FST: variants seen among roughly 807,000 people sequenced by gnomAD.
The protein encoded by FST is follistatin.
Under a neutral mutation model 38.4 loss-of-function variants are expected in FST, and 6 were observed. That is an observed-to-expected ratio of 0.16 (90% CI 0.09 to 0.31). FST has a LOEUF of 0.31. Among genes scored for constraint, FST ranks in the 10% least tolerant of loss-of-function variants. The pLI is 1.00. For missense variants in FST, 301 were observed against 432.3 expected (o/e 0.70, Z 2.69); for synonymous variants, 157 against 169.8 (o/e 0.92, Z 0.59).
intron 1 of FST, among the ~76,000 whole-genome samples, chr5:53,481,669 A>G (rs1747223012): frequency 6.6e-6 from 1 of 152,142 alleles, no homozygotes; most frequent in Non-Finnish European, 1.5e-5. Flanking sequence ...GTTTATTTCA[A>G]TTAGTCTTTG....
Position 53,485,135 on chromosome 5 carries a change from A to G in FST, c.860A>G (p.Asp287Gly). Residue 287 changes from aspartate to glycine, a missense_variant, in exon 5 of 6, where the codon GAC (aspartate) becomes GGC (glycine). Transcript: ENST00000256759. ...SKSDEPVCAS[D>G]NATYASECAM... is the part of the protein sequence containing the mutation. ...TCGGATGAGCCTGTCTGTGCCAGTGACAATGCCACTTATGCCAGCGAGTGT... is the reference window on the plus strand; with the variant it reads ...TCGGATGAGCCTGTCTGTGCCAGTGGCAATGCCACTTATGCCAGCGAGTGT... 6.2e-7 allele frequency: 1 copy of G among 1,613,472 alleles called. No homozygotes were observed.
intron 4 of FST, among the ~76,000 whole-genome samples, chr5:53,484,553 T>C (rs1374183116): frequency 1.3e-5 from 2 of 152,218 alleles, no homozygotes; most frequent in African/African-American, 4.8e-5. Flanking sequence ...TTACTCAATT[T>C]TACACATTTT....
In FST at chr5:53,482,986, G is replaced by C. The variant is rs1305760890; in HGVS notation, c.192G>C (p.Ser64=). ...ECCSTGRLST[S]WTEEDVNDNT... is the part of the protein sequence containing the mutation. ...GCAGCACCGGCCGGCTGAGCACCTC[G>C]TGGACCGAGGAGGACGTGAATGACA... The change falls in exon 2 of 6, where the codon TCG becomes TCC. Residue 64 remains serine (S), a synonymous_variant. Coordinates refer to ENST00000256759, the MANE Select transcript of FST (RefSeq NM_013409.3). 11 of 1,613,862 alleles carry C rather than the reference G, an allele frequency of 6.8e-6. No homozygotes were observed. Among genetic ancestry groups the C allele is most frequent in the South Asian group, 3.3e-5 (3 of 91,082 alleles).
At position 53,483,041 on chromosome 5, in the gene FST, G is replaced by A; in HGVS notation, c.247G>A (p.Gly83Arg). 2 of 1,613,674 alleles carry A rather than the reference G, an allele frequency of 1.2e-6. No homozygotes were observed. Among genetic ancestry groups the A allele is most frequent in the Non-Finnish European group, 1.7e-6 (2 of 1,179,618 alleles). ...ACTCTTCAAGTGGATGATTTTCAAC[G>A]GGGGCGCCCCCAACTGCATCCCCTG... is the stretch of plus-strand genomic sequence containing the variant. ...NTLFKWMIFN[G>R]GAPNCIPCKE... is the part of the protein sequence containing the mutation. Residue 83 changes from glycine to arginine, a missense_variant, in exon 2 of 6, where the codon GGG (glycine) becomes AGG (arginine). Transcript: ENST00000256759. The surrounding 1 kb of genome is among the most constrained non-coding windows in gnomAD (Gnocchi z 4.1).
chr5:53,482,784 TCCC>T, intron 1 of FST, 93 bp from the exon 2 acceptor site: 1 of 500,776 alleles, frequency 2.0e-6, no homozygotes, highest in Non-Finnish European at 3.7e-6. Flanking sequence ...CCCCTCCCCA[TCCC>T]CGCCGGGTCT....
intron 1 of FST, among the ~76,000 whole-genome samples, chr5:53,481,975 C>G (rs1043484228): frequency 3.9e-5 from 6 of 152,250 alleles, no homozygotes; most frequent in Admixed American, 6.5e-5. Context: ...CTGCATGGCA[C>G]TGCGCTGGGT....
chr5:53,484,887 G>A (rs1198161969), intron 4 of FST, 110 bp from the exon 5 acceptor site: 1 of 624,910 alleles, frequency 1.6e-6, no homozygotes, highest in Non-Finnish European at 2.9e-6. Flanking sequence ...TTACTATTAT[G>A]TTTATATAAA....
chr5:53,485,542 A>G (rs1336938907), intron 5 of FST: 2 of 660,860 alleles, frequency 3.0e-6, no homozygotes, highest in Non-Finnish European at 2.6e-6. Context: ...TAACTGCTTC[A>G]AAAGTTTTTT....
intron 1 of FST, among the ~76,000 whole-genome samples, chr5:53,482,014 T>C (rs1747245905): frequency 6.6e-6 from 1 of 152,248 alleles, no homozygotes; most frequent in South Asian, 2.1e-4. Context: ...AGGCTCTGCC[T>C]GGTGCCCGGA....
Position 53,484,082 on chromosome 5 carries a change from T to C in FST, c.510T>C (p.Asp170=). 6.2e-7 allele frequency: 1 copy of C among 1,613,166 alleles called. No homozygotes were observed. Among genetic ancestry groups the C allele is most frequent in the Non-Finnish European group, 8.5e-7 (1 of 1,179,104 alleles). The change falls in exon 4 of 6, where the codon GAT becomes GAC. Residue 170 remains aspartate, a synonymous_variant. Transcript: ENST00000256759. ...TCTTTGTTCCAGAGACTTGTCGGGA[T>C]GTTTTCTGTCCAGGCAGCTCCACAT... ...YQGRCKKTCR[D]VFCPGSSTCV...
chr5:53,485,540 T>G (rs1747493626), intron 5 of FST: 1 of 673,966 alleles, frequency 1.5e-6, no homozygotes, highest in South Asian at 1.7e-5. Flanking sequence ...ACTAACTGCT[T>G]CAAAAGTTTT....
In FST at chr5:53,483,616, A is replaced by G; in HGVS notation, c.390A>G (p.Pro130=). Residue 130 remains proline (P), a synonymous_variant, in exon 3 of 6, where the codon CCA becomes CCG. Coordinates refer to ENST00000256759, the MANE Select transcript of FST (RefSeq NM_013409.3). The surrounding 1 kb of genome is among the most constrained non-coding windows in gnomAD (Gnocchi z 4.1). ...GTTCCAACATCACCTGGAAGGGTCC[A>G]GTCTGCGGGCTGGATGGGAAAACCT... is the stretch of plus-strand genomic sequence containing the variant. The part of the protein sequence containing the change: ...PDCSNITWKG[P]VCGLDGKTYR... 1 of 1,614,184 alleles carries G rather than the reference A, an allele frequency of 6.2e-7. No individual in the cohort carries two copies. The highest frequency in any genetic ancestry group is 8.5e-7 in the Non-Finnish European group (1 of 1,179,966).
intron 5 of FST, 79 bp downstream of exon 5, chr5:53,485,306 C>A: frequency 1.3e-6 from 1 of 755,802 alleles, no homozygotes; most frequent in Admixed American, 1.9e-5. Flanking sequence ...ACAAAGCACG[C>A]AGATCTCCCA....
intron 1 of FST, among the ~76,000 whole-genome samples, chr5:53,481,501 C>G (rs2112329780): frequency 7.8e-6 from 1 of 128,694 alleles, no homozygotes; most frequent in East Asian, 2.3e-4. Flanking sequence ...AATTATTACC[C>G]CAAAGTGCTT....
rs1747341033 is a variant in FST at position 53,483,085 on chromosome 5, T to C, written c.277+14T>C. 6.3e-7 allele frequency: 1 copy of C among 1,591,354 alleles called. No individual in the cohort carries two copies. Among genetic ancestry groups the C allele is most frequent in the Non-Finnish European group, 8.6e-7 (1 of 1,161,804 alleles). On this transcript the variant is annotated intron_variant, in intron 2 of 5. Transcript: ENST00000256759. The surrounding 1 kb of genome is among the most constrained non-coding windows in gnomAD (Gnocchi z 4.1). Reference sequence around the variant, plus strand: ...TCCCCTGTAAAGGTAGGACTCCTTCTTCCCAACTTGCAGGCCCTCAGTAGA... The same window carrying C: ...TCCCCTGTAAAGGTAGGACTCCTTCCTCCCAACTTGCAGGCCCTCAGTAGA...
Position 53,485,774 on chromosome 5 carries a change from T to A in FST, c.953-177T>A, listed in dbSNP as rs574299780. On this transcript the variant is annotated intron_variant, in intron 5 of 5. Coordinates refer to ENST00000256759, the MANE Select transcript of FST (RefSeq NM_013409.3). ...AGATTATGCTTTAAAAAAATTTTTT[T>A]AACTTATTGCATAACAGCAGATGCC... 31 of 1,594,318 alleles carry A rather than the reference T, an allele frequency of 1.9e-5. 1 individual carries two copies. The South Asian group carries it at 3.0e-4, about 15-fold the overall frequency.
rs1275967338 is a variant in FST at position 53,485,197 on chromosome 5, C to T, written c.922C>T (p.Leu308=). 6.2e-7 allele frequency: 1 copy of T among 1,608,468 alleles called. No homozygotes were observed. Among genetic ancestry groups the T allele is most frequent in the Non-Finnish European group, 8.5e-7 (1 of 1,174,954 alleles). ...KEAACSSGVL[L]EVKHSGSCNS... The stretch of plus-strand genomic sequence containing the variant: ...AGCTGCCTGCTCCTCAGGTGTGCTA[C>T]TGGAAGTAAAGCACTCCGGATCTTG... The change falls in exon 5 of 6, where the codon CTG becomes TTG. Residue 308 remains leucine, a synonymous_variant. Transcript: ENST00000256759.
At position 53,483,199 on chromosome 5, in the gene FST, C is replaced by A; in HGVS notation, c.277+128C>A. ...CTGGGCTTCCCCTTCCTGTCCCTTG[C>A]CCTGGTAAGCCGTGCAGACTCTAAT... On this transcript the variant is annotated intron_variant, in intron 2 of 5. Transcript: ENST00000256759. The surrounding 1 kb of genome is among the most constrained non-coding windows in gnomAD (Gnocchi z 4.1). 1 of 679,256 alleles carries A rather than the reference C, an allele frequency of 1.5e-6. No individual in the cohort carries two copies. Among genetic ancestry groups the A allele is most frequent in the Non-Finnish European group, 2.6e-6 (1 of 386,434 alleles). The allele number at this position is 679,256 out of a possible 1,614,324, so 42.1% of individuals were successfully genotyped here. A position where few individuals can be genotyped will look rare whatever the true frequency, so the allele number is the denominator to read the frequency against.
intron 1 of FST, 193 bp from the exon 2 acceptor site, chr5:53,482,687 T>A: frequency 2.3e-6 from 1 of 438,174 alleles, no homozygotes; most frequent in Non-Finnish European, 4.2e-6. Flanking sequence ...CCCCCTCCAC[T>A]GCCTTCTTTT....
Sources: allele counts gnomAD v4.1 joint callset (sites outside exome capture counted in the v4.1 genomes callset), GRCh38; gene constraint gnomAD v4.1.1; non-coding constraint Gnocchi (gnomAD v3.1); transcripts MANE v1.5; gene names NCBI Gene and HGNC (gene_info 2026-07-23, HGNC 2026-07-21).